GABRA5: variants seen among roughly 807,000 people sequenced by gnomAD.
GABRA5 encodes gamma-aminobutyric acid receptor subunit alpha-5.
A neutral mutation model predicts 47.3 loss-of-function variants in GABRA5; 18 were observed. The observed-to-expected ratio is 0.38, with a 90% CI of 0.26 to 0.56. The LOEUF (loss-of-function observed/expected upper bound fraction) is 0.56, where lower values mean the gene tolerates loss of function less well. Ranked by LOEUF, GABRA5 falls within the 20% of genes least tolerant of loss-of-function variation. The pLI is 0.71. For synonymous variants in GABRA5, 237 were observed against 229.3 expected, an observed-to-expected ratio of 1.03 and a Z score of -0.30; for missense variants, 365 against 599.3, an observed-to-expected ratio of 0.61 and a Z score of 4.08.
intron 7 of GABRA5, among the ~76,000 whole-genome samples, chr15:26,925,463 G>A (rs1338567324): frequency 6.6e-6 from 1 of 152,058 alleles, no homozygotes; most frequent in Non-Finnish European, 1.5e-5. Context: ...ATCAAGTTTA[G>A]CATTTGTATT....
chr15:26,888,483 G>A lies in GABRA5; in HGVS notation c.497+4926G>A, dbSNP rs1166562781. On this transcript the variant is annotated intron_variant, in intron 6 of 10. Transcript: ENST00000335625. ...TTGCAGGGCTGGAGAGGTTAGGGGA[G>A]CTGAACCCAGGGACTGGCCCGAGGT... is the stretch of plus-strand genomic sequence containing the variant. Among the ~76,000 whole-genome samples the A allele has an allele frequency of 2.6e-5, 4 of 152,144 alleles. No individual in the cohort carries two copies. In the East Asian group the frequency reaches 5.8e-4, roughly 22 times the overall value.
chr15:26,911,176 C>CTAA lies in GABRA5; in HGVS notation c.498-3626_498-3624dup, dbSNP rs1555391696. On this transcript the variant is annotated intron_variant, in intron 6 of 10. Coordinates refer to ENST00000335625, the MANE Select transcript of GABRA5 (RefSeq NM_000810.4). Reference sequence around the variant, plus strand: ...GTATACTTTCCTGAGGTTTAGAATTCTAAGGGGCTCTATAAAATTGGGAGA... The same window carrying CTAA: ...GTATACTTTCCTGAGGTTTAGAATTCTAATAAGGGGCTCTATAAAATTGGGAGA... 5.5e-3 allele frequency among the ~76,000 whole-genome samples: 827 copies of CTAA among 151,588 alleles called. 8 individuals carry two copies. The highest frequency in any genetic ancestry group is 0.018 in the African/African-American group (732 of 41,300).
In GABRA5 at chr15:26,937,314, T is replaced by C. The variant is rs1894268756; in HGVS notation, c.710T>C (p.Ile237Thr). 1 of 1,612,074 alleles carries C rather than the reference T, an allele frequency of 6.2e-7. No individual in the cohort carries two copies. The highest frequency in any genetic ancestry group is 8.5e-7 in the Non-Finnish European group (1 of 1,178,928). ...LMGQTVGTEN[I>T]STSTGEYTIM... The stretch of plus-strand genomic sequence containing the variant: ...GGGCAGACGGTGGGCACTGAGAACA[T>C]CAGCACCAGCACAGGTGAGGGCTCG... Residue 237 changes from isoleucine (I) to threonine (T), a missense_variant, in exon 8 of 11, where the codon ATC (isoleucine) becomes ACC (threonine). This residue lies in a region of GABRA5 where 216 missense variants were observed against 335.3 expected (regional missense o/e 0.64). Transcript: ENST00000335625.
intron 6 of GABRA5, among the ~76,000 whole-genome samples, chr15:26,884,125 G>A (rs1892816171): frequency 6.6e-6 from 1 of 152,036 alleles, no homozygotes; most frequent in African/African-American, 2.4e-5. Context: ...AGAGTTTGAG[G>A]TTGCACTAAG....
chr15:26,891,785 A>G (rs911046027), intron 6 of GABRA5, among the ~76,000 whole-genome samples: 9 of 152,234 alleles, frequency 5.9e-5, no homozygotes, highest in African/African-American at 1.9e-4. Context: ...TCCGGACACC[A>G]GAGTCCCGAG....
At chr15:26,893,391 ATGTG>A (rs1893078609) in intron 6 of GABRA5, among the ~76,000 whole-genome samples, 2 of 1,594 alleles carry the variant, frequency 1.3e-3, no homozygotes, top group South Asian at 0.022. Context: ...TATATGGAGT[ATGTG>A]TATGGTGTGT....
intron 6 of GABRA5, among the ~76,000 whole-genome samples, chr15:26,893,766 C>T (rs573141987): frequency 1.3e-5 from 2 of 151,994 alleles, no homozygotes; most frequent in East Asian, 1.9e-4. Context: ...GGCGACCAGG[C>T]GGTGGGCACG....
At chr15:26,940,520 C>G (rs1182003704) in intron 9 of GABRA5, among the ~76,000 whole-genome samples, 1 of 151,548 alleles carries the variant, frequency 6.6e-6, no homozygotes, top group East Asian at 1.9e-4. Flanking sequence ...GGAGCATTTT[C>G]TTTGAGCATT....
At chr15:26,906,659 C>CT (rs1300738299) in intron 6 of GABRA5, among the ~76,000 whole-genome samples, 1 of 151,922 alleles carries the variant, frequency 6.6e-6, no homozygotes, top group Admixed American at 6.6e-5. Flanking sequence ...GAGAAAGAAC[C>CT]TTTTTTGTGG....
chr15:26,934,682 A>C (rs1280742837), intron 7 of GABRA5, among the ~76,000 whole-genome samples: 1 of 152,070 alleles, frequency 6.6e-6, no homozygotes, highest in Admixed American at 6.5e-5. Flanking sequence ...ACAGATGGGG[A>C]AATTGAGGCT....
intron 3 of GABRA5, among the ~76,000 whole-genome samples, chr15:26,877,447 G>A (rs1330636345): frequency 6.6e-6 from 1 of 152,130 alleles, no homozygotes; most frequent in African/African-American, 2.4e-5. Flanking sequence ...ATTAAATACT[G>A]GGGAAGAACA....
At chr15:26,922,522 A>G (rs1893866925) in intron 7 of GABRA5, among the ~76,000 whole-genome samples, 1 of 152,086 alleles carries the variant, frequency 6.6e-6, no homozygotes, top group African/African-American at 2.4e-5. Context: ...CTTTCCCAAT[A>G]TTTATCTTTT....
In GABRA5 at chr15:26,883,270, C is replaced by A. The variant is rs536777433; in HGVS notation, c.276+37C>A. The A allele has an allele frequency of 1.4e-5, 22 of 1,611,854 alleles. No homozygotes were observed. In the South Asian group the frequency reaches 2.0e-4, roughly 14 times the overall value. On this transcript the variant is annotated intron_variant, in intron 5 of 10. Transcript: ENST00000335625. The surrounding 1 kb of genome is among the most constrained non-coding windows in gnomAD (Gnocchi z 4.8). The stretch of plus-strand genomic sequence containing the variant: ...GGCATGGCTGGGCAGACAATTCTTA[C>A]TCCGCGCCGCAGGCCCCCGCCCAGG...
At chr15:26,892,372 G>T (rs1335674832) in intron 6 of GABRA5, among the ~76,000 whole-genome samples, 1 of 152,196 alleles carries the variant, frequency 6.6e-6, no homozygotes. Context: ...ATGCAGCCCC[G>T]TGGCAGCCCC....
intron 8 of GABRA5, among the ~76,000 whole-genome samples, chr15:26,938,584 G>A (rs1358799714): frequency 1.3e-5 from 2 of 152,280 alleles, no homozygotes; most frequent in East Asian, 3.9e-4. Flanking sequence ...AAAACAGAAT[G>A]CCATTTCACT....
intron 9 of GABRA5, among the ~76,000 whole-genome samples, chr15:26,941,973 AT>A (rs1894395147): frequency 6.6e-6 from 1 of 152,194 alleles, no homozygotes; most frequent in South Asian, 2.1e-4. Flanking sequence ...CAACATATGA[AT>A]TTTGCAGGCC....
intron 8 of GABRA5, among the ~76,000 whole-genome samples, chr15:26,938,764 A>G (rs74006533): frequency 0.094 from 14,318 of 152,236 alleles, 1,953 homozygotes; most frequent in African/African-American, 0.3. Flanking sequence ...GGCACTGCTG[A>G]GATTGTTGGC....
At chr15:26,909,793 C>A (rs1325687391) in intron 6 of GABRA5, among the ~76,000 whole-genome samples, 1 of 152,188 alleles carries the variant, frequency 6.6e-6, no homozygotes, top group African/African-American at 2.4e-5. Flanking sequence ...ATCTGCAAAG[C>A]CCTTTTGCTG....
chr15:26,890,053 G>A (rs1892967845), intron 6 of GABRA5, among the ~76,000 whole-genome samples: 1 of 152,112 alleles, frequency 6.6e-6, no homozygotes, highest in Non-Finnish European at 1.5e-5. Context: ...TTGTGATATA[G>A]CACATCCCAT....
Sources: allele counts gnomAD v4.1 joint callset (sites outside exome capture counted in the v4.1 genomes callset), GRCh38; gene constraint gnomAD v4.1.1; regional missense constraint gnomAD v4.1.1; non-coding constraint Gnocchi (gnomAD v3.1); transcripts MANE v1.5; gene names NCBI Gene and HGNC (gene_info 2026-07-23, HGNC 2026-07-21).